Variants in TP73 observed in about 807,000 individuals in gnomAD.
TP73 encodes tumor protein p73, also known as p53-like transcription factor.
TP73 carries 25 observed loss-of-function variants against 62.5 expected under a neutral mutation model. That is an observed-to-expected ratio of 0.40 (90% CI 0.29 to 0.56). The LOEUF (loss-of-function observed/expected upper bound fraction) is 0.56, where lower values mean the gene tolerates loss of function less well. Ranked by LOEUF, TP73 falls within the 20% of genes least tolerant of loss-of-function variation. TP73 has a pLI of 0.46. For synonymous variants in TP73, 423 were observed against 377.5 expected (o/e 1.12, Z -1.40); for missense variants, 754 against 913.3 (o/e 0.83, Z 2.25).
chr1:3,713,497 T>TG (rs1034653961), intron 4 of TP73, among the ~76,000 whole-genome samples: 2 of 151,798 alleles, frequency 1.3e-5, no homozygotes, highest in African/African-American at 4.8e-5. Context: ...CGGGGCAAGG[T>TG]GGGGGGCTCA....
In TP73 at chr1:3,699,924, A is replaced by C. The variant is rs545046835; in HGVS notation, c.187-7625A>C. Among the ~76,000 whole-genome samples the C allele has an allele frequency of 3.9e-5, 6 of 152,154 alleles. No individual in the cohort carries two copies. The highest frequency in any genetic ancestry group is 7.4e-5 in the Non-Finnish European group (5 of 67,982). On this transcript the variant is annotated intron_variant, in intron 3 of 13. Coordinates refer to ENST00000378295, the MANE Select transcript of TP73 (RefSeq NM_005427.4). This position sits in a 1 kb window ranked among gnomAD's most constrained non-coding sequence, Gnocchi z 4.1. Reference sequence around the variant, plus strand: ...CTGTTTCCAAGAGAAGGGGGACTGCATGGCCAGACCGTGGGCTCGGGCCCC... The same window carrying C: ...CTGTTTCCAAGAGAAGGGGGACTGCCTGGCCAGACCGTGGGCTCGGGCCCC...
chr1:3,698,184 A>T (rs1159847580), intron 3 of TP73: 3 of 947,374 alleles, frequency 3.2e-6, no homozygotes, highest in East Asian at 1.2e-4. Context: ...GGGCAGGGGC[A>T]TGTGTGCAAG....
In TP73 at chr1:3,672,496, C is replaced by T. The variant is rs1044421585; in HGVS notation, c.-33-9837C>T. On this transcript the variant is annotated intron_variant, in intron 1 of 13. Coordinates refer to ENST00000378295, the MANE Select transcript of TP73 (RefSeq NM_005427.4). The surrounding 1 kb of genome is among the most constrained non-coding windows in gnomAD (Gnocchi z 5.3). Reference sequence around the variant, plus strand: ...GGCTGCGGCCCCATCAGTCACCTGCCCTGCTGAGGGCAGCGCTGTACTCAT... The same window carrying T: ...GGCTGCGGCCCCATCAGTCACCTGCTCTGCTGAGGGCAGCGCTGTACTCAT... 4.6e-5 allele frequency among the ~76,000 whole-genome samples: 7 copies of T among 152,050 alleles called. No individual in the cohort carries two copies. Among genetic ancestry groups the T allele is most frequent in the Non-Finnish European group, 1.0e-4 (7 of 67,986 alleles).
At chr1:3,685,551 A>G (rs571558816) in intron 3 of TP73, among the ~76,000 whole-genome samples, 1 of 152,292 alleles carries the variant, frequency 6.6e-6, no homozygotes, top group South Asian at 2.1e-4. Flanking sequence ...CCCCCTCACA[A>G]CAGTGGCTGC....
chr1:3,704,533 C>T lies in TP73; in HGVS notation c.187-3016C>T, dbSNP rs76503065. On this transcript the variant is annotated intron_variant, in intron 3 of 13. Transcript: ENST00000378295. ...CTAGAAAGATGCTCAAACCGGGTGA[C>T]GAAAGAGAACACCTGAGGCCTGGGC... 2.6e-3 allele frequency among the ~76,000 whole-genome samples: 391 copies of T among 152,278 alleles called. 1 individual carries two copies. Among genetic ancestry groups the T allele is most frequent in the African/African-American group, 8.9e-3 (370 of 41,542 alleles).
At chr1:3,660,621 T>C (rs1031449166) in intron 1 of TP73, among the ~76,000 whole-genome samples, 6 of 152,238 alleles carry the variant, frequency 3.9e-5, no homozygotes, top group African/African-American at 1.4e-4. Context: ...TGTACCAGAA[T>C]GCTGTAAGTT....
chr1:3,731,701 T>C, intron 13 of TP73, 145 bp downstream of exon 13: 1 of 745,396 alleles, frequency 1.3e-6, no homozygotes, highest in Non-Finnish European at 2.2e-6. Context: ...ATGATTTGAC[T>C]CTTGAGAGCT....
intron 1 of TP73, among the ~76,000 whole-genome samples, chr1:3,679,893 GTCTC>G (rs916260868): frequency 4.9e-5 from 7 of 143,622 alleles, no homozygotes; most frequent in Admixed American, 3.4e-4. Flanking sequence ...GTCTCTCTCC[GTCTC>G]TCTGTCTCTC....
intron 11 of TP73, 128 bp from the exon 12 acceptor site, chr1:3,730,799 T>C (rs1642078044): frequency 8.0e-7 from 1 of 1,251,458 alleles, no homozygotes; most frequent in Non-Finnish European, 1.1e-6. Flanking sequence ...GCAGGGGTGA[T>C]GCCCAGCGTC....
chr1:3,710,220 C>T (rs1030970883), intron 4 of TP73, among the ~76,000 whole-genome samples: 2 of 150,228 alleles, frequency 1.3e-5, no homozygotes, highest in South Asian at 2.1e-4. Flanking sequence ...TGGGGGGGCG[C>T]GAACTGGGGA....
chr1:3,653,294 G>T (rs1374503443), intron 1 of TP73, among the ~76,000 whole-genome samples: 1 of 152,240 alleles, frequency 6.6e-6, no homozygotes. Flanking sequence ...GAGAAAGCCC[G>T]TGAAGAAATG....
intron 6 of TP73, among the ~76,000 whole-genome samples, chr1:3,726,725 CGTGGATGGATGGGGTTG>C (rs1316588761): frequency 1.5e-5 from 1 of 66,510 alleles, no homozygotes; most frequent in Non-Finnish European, 2.9e-5. Flanking sequence ...GGATGGGGTT[CGTGGATGGATGGGGTTG>C]GTGGATGGAT....
In TP73 at chr1:3,728,236, A is replaced by G. The variant is rs1641840279; in HGVS notation, c.1074+19A>G. ...CCTTCAGGTGAGTGTGTGCTCCTGC[A>G]CGGCAGCCGGGAGACCTGCCTCACC... On this transcript the variant is annotated intron_variant, in intron 9 of 13. Coordinates refer to ENST00000378295, the MANE Select transcript of TP73 (RefSeq NM_005427.4). 6 of 1,608,444 alleles carry G rather than the reference A, an allele frequency of 3.7e-6. No individual in the cohort carries two copies. The highest frequency in any genetic ancestry group is 5.1e-6 in the Non-Finnish European group (6 of 1,178,606).
intron 1 of TP73, among the ~76,000 whole-genome samples, chr1:3,660,336 A>G (rs980829162): frequency 6.6e-6 from 1 of 152,164 alleles, no homozygotes; most frequent in Non-Finnish European, 1.5e-5. Flanking sequence ...TTTTCCTCCA[A>G]CGGGTTTCAT....
rs1293766441 is a variant in TP73, at chr1:3,696,566, G to A, written c.187-10983G>A. Reference sequence around the variant, plus strand: ...ACCAAGCAGAGGGGGAGATGCAGAGGGGCAGCCTGGGAGGCCAGGAGGCAC... The same window carrying A: ...ACCAAGCAGAGGGGGAGATGCAGAGAGGCAGCCTGGGAGGCCAGGAGGCAC... On this transcript the variant is annotated intron_variant, in intron 3 of 13. Coordinates refer to ENST00000378295, the MANE Select transcript of TP73 (RefSeq NM_005427.4). This position sits in a 1 kb window ranked among gnomAD's most constrained non-coding sequence, Gnocchi z 4.1. Among the ~76,000 whole-genome samples the A allele has an allele frequency of 6.6e-6, 1 of 151,706 alleles. No homozygotes were observed. The highest frequency in any genetic ancestry group is 1.5e-5 in the Non-Finnish European group (1 of 67,932).
chr1:3,717,432 T>C (rs1640700378), intron 4 of TP73, among the ~76,000 whole-genome samples: 1 of 152,228 alleles, frequency 6.6e-6, no homozygotes, highest in African/African-American at 2.4e-5. Context: ...GCACGCACCC[T>C]GGGCAGGCAA....
rs1014481642 is a variant in TP73 at position 3,710,510 on chromosome 1, G to A, written c.429+2719G>A. Among the ~76,000 whole-genome samples, 14 of 152,290 alleles carry A rather than the reference G, an allele frequency of 9.2e-5. No individual in the cohort carries two copies. The South Asian group carries it at 1.9e-3, about 20-fold the overall frequency. The stretch of plus-strand genomic sequence containing the variant: ...TGTGCTTGCGTCCGGCCTCTGCACC[G>A]TGACTCCTGGGGCTCCCGGCACGCC... On this transcript the variant is annotated intron_variant, in intron 4 of 13. Coordinates refer to ENST00000378295, the MANE Select transcript of TP73 (RefSeq NM_005427.4).
chr1:3,725,569 A>AATGG (rs148348219), intron 6 of TP73, among the ~76,000 whole-genome samples: 1,426 of 94,196 alleles, frequency 0.015, 38 homozygotes, highest in East Asian at 0.1. Context: ...TGGGTGGGTG[A>AATGG]ATGGATGGAT....
chr1:3,709,262 G>A (rs912841239), intron 4 of TP73, among the ~76,000 whole-genome samples: 2 of 152,334 alleles, frequency 1.3e-5, no homozygotes, highest in Middle Eastern at 3.4e-3. Flanking sequence ...TGATGGGAGG[G>A]GGCTCTGTGG....
Sources: gnomAD v4.1 joint callset for allele counts (sites outside exome capture counted in the v4.1 genomes callset) on GRCh38, gnomAD v4.1.1 for gene constraint, Gnocchi (gnomAD v3.1) non-coding constraint, MANE v1.5 for transcripts, NCBI Gene and HGNC (gene_info 2026-07-23, HGNC 2026-07-21) for gene names.